ESF1: variants seen among roughly 807,000 people sequenced by gnomAD.
ESF1 encodes ESF1 nucleolar pre-rRNA processing protein.
ESF1 carries 58 observed loss-of-function variants against 92.0 expected under a neutral mutation model. The observed-to-expected ratio is 0.63, with a 90% CI of 0.51 to 0.78. ESF1 has a LOEUF of 0.78. ESF1 is among the 30% of genes least tolerant of loss of function. ESF1 has a pLI of 0.00. For synonymous variants in ESF1, 321 were observed against 313.7 expected (o/e 1.02, Z -0.24); for missense variants, 922 against 989.1 (o/e 0.93, Z 0.91).
chr20:13,714,819 A>G lies in ESF1; in HGVS notation c.*55T>C, dbSNP rs1036108206. 3 of 1,391,936 alleles carry G rather than the reference A, an allele frequency of 2.2e-6. No homozygotes were observed. The highest frequency in any genetic ancestry group is 2.9e-6 in the Non-Finnish European group (3 of 1,029,856). The allele number at this position is 1,391,936 out of a possible 1,614,324, so 86.2% of individuals were successfully genotyped here. ...TTCCCAATAAATATTCCCTCCTATTATTTTTGTACATTTTAGGAAAAGATG... is the reference window on the plus strand; with the variant it reads ...TTCCCAATAAATATTCCCTCCTATTGTTTTTGTACATTTTAGGAAAAGATG... On this transcript the variant is annotated 3_prime_UTR_variant, in exon 14 of 14. Transcript: ENST00000617257.
At chr20:13,769,700 C>T (rs1190142248) in intron 7 of ESF1, among the ~76,000 whole-genome samples, 4 of 152,140 alleles carry the variant, frequency 2.6e-5, no homozygotes, top group East Asian at 1.9e-4. Context: ...GCACGAGAAT[C>T]GCTTCAACCT....
At chr20:13,731,531 CAAAAAAAAAAAAA>C (rs35867169) in intron 10 of ESF1, among the ~76,000 whole-genome samples, 13 of 71,512 alleles carry the variant, frequency 1.8e-4, no homozygotes, top group African/African-American at 5.9e-4. Flanking sequence ...GACTCGGTCT[CAAAAAAAAAAAAA>C]AAAAAAAAAA....
At chr20:13,722,610 A>T (rs911247122) in intron 11 of ESF1, among the ~76,000 whole-genome samples, 10 of 152,048 alleles carry the variant, frequency 6.6e-5, no homozygotes, top group Non-Finnish European at 1.2e-4. Flanking sequence ...AGCACTTTGG[A>T]AGGCTGAAGG....
At chr20:13,723,438 C>T (rs1326344603) in intron 11 of ESF1, among the ~76,000 whole-genome samples, 3 of 140,080 alleles carry the variant, frequency 2.1e-5, no homozygotes, top group African/African-American at 7.7e-5. Flanking sequence ...CCAGCTACCA[C>T]TGGAAAATTA....
intron 9 of ESF1, among the ~76,000 whole-genome samples, chr20:13,739,765 G>A (rs1356101438): frequency 1.3e-5 from 2 of 151,014 alleles, no homozygotes; most frequent in African/African-American, 2.4e-5. Flanking sequence ...TATCAAACTA[G>A]ATTAGAAGCA....
intron 11 of ESF1, among the ~76,000 whole-genome samples, chr20:13,719,341 G>T (rs2049851983): frequency 6.6e-6 from 1 of 151,974 alleles, no homozygotes; most frequent in African/African-American, 2.4e-5. Flanking sequence ...CATAATAAAA[G>T]TAGTATACAC....
At chr20:13,780,434 T>C (rs569012703) in intron 2 of ESF1, among the ~76,000 whole-genome samples, 2 of 152,360 alleles carry the variant, frequency 1.3e-5, no homozygotes, top group South Asian at 4.1e-4. Context: ...TCTTCAATTT[T>C]AGTAACCGGA....
At position 13,782,822 on chromosome 20, in the gene ESF1, A is replaced by C. The variant is rs774504355; in HGVS notation, c.319T>G (p.Ser107Ala). The C allele has an allele frequency of 3.7e-6, 6 of 1,602,962 alleles. No homozygotes were observed. The African/African-American group carries it at 8.1e-5, about 22-fold the overall frequency. Reference sequence around the variant, plus strand: ...TTCTTTTTCTCAACTAGATTTTTTGAATCGATTTCTTTTTTAGTCTGGGTT... The same window carrying C: ...TTCTTTTTCTCAACTAGATTTTTTGCATCGATTTCTTTTTTAGTCTGGGTT... ...KKTQTKKEID[S>A]KNLVEKKKET... Residue 107 changes from serine to alanine, a missense_variant, in exon 2 of 14, where the codon TCA becomes GCA. Transcript: ENST00000617257.
chr20:13,731,599 AAG>A (rs2049943630), intron 10 of ESF1, among the ~76,000 whole-genome samples: 1 of 152,098 alleles, frequency 6.6e-6, no homozygotes, highest in Non-Finnish European at 1.5e-5. Context: ...TCTAGGGAAG[AAG>A]AGAGTTAGTT....
At position 13,759,851 on chromosome 20, in the gene ESF1, C is replaced by T; in HGVS notation, c.1669G>A (p.Asp557Asn). ...EEEIEEELQG[D>N]DGVNVEEDGK... is the part of the protein sequence containing the mutation. ...TCTTCTTCTACATTGACTCCATCAT[C>T]ACCTAATGAAAAAAAAATTCACTTA... The change falls in exon 9 of 14, where the codon GAT becomes AAT. Residue 557 changes from aspartate to asparagine, a missense_variant and splice_region_variant. Transcript: ENST00000617257. 1.3e-6 allele frequency: 2 copies of T among 1,584,384 alleles called. No homozygotes were observed. The highest frequency in any genetic ancestry group is 1.2e-5 in the South Asian group (1 of 86,186).
intron 9 of ESF1, among the ~76,000 whole-genome samples, chr20:13,747,364 C>A (rs367626484): frequency 5.9e-4 from 90 of 151,384 alleles, no homozygotes; most frequent in African/African-American, 2.0e-3. Context: ...ATAGAGACCA[C>A]CCTGGCCAAC....
At chr20:13,747,099 T>C (rs530042358) in intron 9 of ESF1, among the ~76,000 whole-genome samples, 1 of 152,242 alleles carries the variant, frequency 6.6e-6, no homozygotes, top group East Asian at 1.9e-4. Context: ...GTGGCTAATT[T>C]GTCATCCACT....
At chr20:13,771,245 CAG>C (rs1046040808) in intron 6 of ESF1, 84 bp downstream of exon 6, 58 of 1,258,884 alleles carry the variant, frequency 4.6e-5, no homozygotes, top group Non-Finnish European at 6.1e-5. Flanking sequence ...GAATATAAAA[CAG>C]AGATCACTAC....
chr20:13,715,668 T>C (rs1379926622), intron 13 of ESF1, among the ~76,000 whole-genome samples: 1 of 152,208 alleles, frequency 6.6e-6, no homozygotes, highest in Non-Finnish European at 1.5e-5. Context: ...AAGACCACTA[T>C]GGCAAATAAT....
chr20:13,750,439 C>A (rs780433720), intron 9 of ESF1, among the ~76,000 whole-genome samples: 1 of 151,868 alleles, frequency 6.6e-6, no homozygotes, highest in Non-Finnish European at 1.5e-5. Flanking sequence ...CGGGAGGCAG[C>A]GGTTGCAGTG....
chr20:13,769,801 C>G lies in ESF1; in HGVS notation c.1518+106G>C, dbSNP rs967903472. 375 of 811,610 alleles carry G rather than the reference C, an allele frequency of 4.6e-4. 6 individuals are homozygous for G. In the East Asian group the frequency reaches 0.01, roughly 22 times the overall value. The allele number at this position is 811,610 out of a possible 1,614,324, so 50.3% of individuals were successfully genotyped here. ...ACTCTGTCTCAAGAAAAAATAATAA[C>G]AAAAAAATTAATACTTTCCATTTTT... On this transcript the variant is annotated intron_variant, in intron 7 of 13. Transcript: ENST00000617257.
chr20:13,726,234 G>A (rs2049899985), intron 11 of ESF1, among the ~76,000 whole-genome samples: 1 of 152,112 alleles, frequency 6.6e-6, no homozygotes. Flanking sequence ...AAGACTGTTT[G>A]GGCTTTCCAC....
At position 13,746,835 on chromosome 20, in the gene ESF1, T is replaced by G. The variant is rs1174231047; in HGVS notation, c.1828+12857A>C. On this transcript the variant is annotated intron_variant, in intron 9 of 13. Transcript: ENST00000617257. ...CAGTCACAACTAAATTCAAACTTGA[T>G]TTTTCTTCTTGCAATCTAAATATTT... is the stretch of plus-strand genomic sequence containing the variant. Among the ~76,000 whole-genome samples the G allele has an allele frequency of 2.0e-5, 3 of 152,222 alleles. No individual in the cohort carries two copies. In the South Asian group the frequency reaches 6.2e-4, roughly 32 times the overall value.
intron 4 of ESF1, among the ~76,000 whole-genome samples, chr20:13,773,722 G>A (rs942059456): frequency 6.6e-6 from 1 of 151,750 alleles, no homozygotes; most frequent in Non-Finnish European, 1.5e-5. Context: ...TGTAGGGTGA[G>A]TTTTTACACT....
Sources: gnomAD v4.1 joint callset for allele counts (sites outside exome capture counted in the v4.1 genomes callset) on GRCh38, gnomAD v4.1.1 for gene constraint, MANE v1.5 for transcripts, NCBI Gene and HGNC (gene_info 2026-07-23, HGNC 2026-07-21) for gene names.